The following ERC2 variants were observed in gnomAD, a reference collection of about 807,000 sequenced individuals.
ERC2 encodes the protein ELKS/RAB6-interacting/CAST family member 2, also known as ERC protein 2.
ERC2 carries 42 observed loss-of-function variants against 114.8 expected under a neutral mutation model. That is an observed-to-expected ratio of 0.37 (90% CI 0.29 to 0.47). ERC2 has a LOEUF of 0.47. ERC2 is among the 20% of genes least tolerant of loss of function. The pLI, the probability that ERC2 is intolerant of heterozygous loss-of-function variation, is 0.99. For missense variants in ERC2, 939 were observed against 1,150.7 expected, an observed-to-expected ratio of 0.82 and a Z score of 2.66; for synonymous variants, 454 against 425.5, an observed-to-expected ratio of 1.07 and a Z score of -0.82.
At chr3:56,415,971 C>T (rs554744969) in intron 2 of ERC2, among the ~76,000 whole-genome samples, 1 of 152,312 alleles carries the variant, frequency 6.6e-6, no homozygotes, top group African/African-American at 2.4e-5. Context: ...CACCAAAGCA[C>T]TCTTAATTTT....
chr3:55,750,134 C>A (rs1364595931), intron 14 of ERC2, among the ~76,000 whole-genome samples: 1 of 149,712 alleles, frequency 6.7e-6, no homozygotes, highest in Non-Finnish European at 1.5e-5. Flanking sequence ...ATGGGTAAGG[C>A]TTGCAAACTG....
At chr3:55,648,317 G>C (rs1007699633) in intron 17 of ERC2, among the ~76,000 whole-genome samples, 3 of 152,220 alleles carry the variant, frequency 2.0e-5, no homozygotes, top group African/African-American at 7.2e-5. Flanking sequence ...CCAGCTGTGA[G>C]ACTTTTGGGG....
At chr3:55,866,988 T>C (rs2062349730) in intron 14 of ERC2, among the ~76,000 whole-genome samples, 1 of 152,152 alleles carries the variant, frequency 6.6e-6, no homozygotes, top group Admixed American at 6.6e-5. Flanking sequence ...AATGATATAA[T>C]TGTCTTGAAT....
At chr3:55,766,644 G>A (rs1448053852) in intron 14 of ERC2, 4 of 152,132 alleles carry the variant, frequency 2.6e-5, no homozygotes, top group Non-Finnish European at 4.4e-5. Context: ...GACCCAAAAA[G>A]GAGGGTATCT....
intron 2 of ERC2, among the ~76,000 whole-genome samples, chr3:56,396,565 G>T (rs1239451329): frequency 6.6e-6 from 1 of 152,186 alleles, no homozygotes; most frequent in Non-Finnish European, 1.5e-5. Context: ...TGCTCACAAT[G>T]TTAATACATT....
At chr3:56,436,628 T>C (rs932315503) in intron 1 of ERC2, among the ~76,000 whole-genome samples, 2 of 152,172 alleles carry the variant, frequency 1.3e-5, no homozygotes, top group Admixed American at 6.5e-5. Context: ...GGTGAGAACA[T>C]GACCCACGCC....
intron 2 of ERC2, among the ~76,000 whole-genome samples, chr3:56,353,961 T>A (rs1576562656): frequency 6.6e-6 from 1 of 152,026 alleles, no homozygotes; most frequent in Admixed American, 6.5e-5. Context: ...ATTTTACCAA[T>A]GGGAAAACTG....
At chr3:55,888,305 C>G (rs918340555) in intron 14 of ERC2, 84 bp downstream of exon 14, 1 of 1,454,574 alleles carries the variant, frequency 6.9e-7, no homozygotes, top group South Asian at 1.4e-5. Flanking sequence ...TGAGCTCTTT[C>G]TTCATCTTCT....
At chr3:55,831,131 A>T (rs2060549281) in intron 14 of ERC2, among the ~76,000 whole-genome samples, 1 of 132,906 alleles carries the variant, frequency 7.5e-6, no homozygotes, top group Non-Finnish European at 1.6e-5. Context: ...ACATGACAAG[A>T]CCCCTCTCTA....
At position 55,787,672 on chromosome 3, in the gene ERC2, T is replaced by C. The variant is rs187388283; in HGVS notation, c.2565-52754A>G. On this transcript the variant is annotated intron_variant, in intron 14 of 17. Coordinates refer to ENST00000288221, the MANE Select transcript of ERC2 (RefSeq NM_015576.3). ...ACAAGGGATATAAGAAGCATTCTTC[T>C]CTCCAGTAAATCTACAAAGACCCAA... Among the ~76,000 whole-genome samples the C allele has an allele frequency of 3.2e-3, 480 of 152,284 alleles. 4 individuals are homozygous for C. Among genetic ancestry groups the C allele is most frequent in the African/African-American group, 0.011 (452 of 41,554 alleles).
chr3:56,301,599 AG>A (rs2055878913), intron 2 of ERC2, among the ~76,000 whole-genome samples: 1 of 152,102 alleles, frequency 6.6e-6, no homozygotes, highest in Non-Finnish European at 1.5e-5. Flanking sequence ...AGCTGGGCAC[AG>A]TGGCATATGC....
At chr3:56,370,886 G>T (rs570645340) in intron 2 of ERC2, among the ~76,000 whole-genome samples, 1 of 152,116 alleles carries the variant, frequency 6.6e-6, no homozygotes, top group Non-Finnish European at 1.5e-5. Context: ...GAGGCACTGC[G>T]CCCAGCCTTG....
At chr3:56,266,179 G>A (rs1311080222) in intron 3 of ERC2, among the ~76,000 whole-genome samples, 3 of 132,162 alleles carry the variant, frequency 2.3e-5, no homozygotes, top group African/African-American at 8.8e-5. Context: ...CTCCCAGGCT[G>A]GAGTGCAGTG....
chr3:56,091,028 C>T (rs1194059812), intron 6 of ERC2, among the ~76,000 whole-genome samples: 1 of 152,122 alleles, frequency 6.6e-6, no homozygotes, highest in Admixed American at 6.6e-5. Context: ...TTATTAAAGA[C>T]CAATAGAGTC....
intron 2 of ERC2, among the ~76,000 whole-genome samples, chr3:56,342,986 A>G (rs1027616237): frequency 6.6e-5 from 10 of 152,092 alleles, no homozygotes; most frequent in Non-Finnish European, 1.2e-4. Flanking sequence ...CTCTCACCCC[A>G]TTCAAGCCAG....
intron 3 of ERC2, among the ~76,000 whole-genome samples, chr3:56,263,522 G>A (rs1451296307): frequency 1.3e-5 from 2 of 151,972 alleles, no homozygotes; most frequent in Non-Finnish European, 2.9e-5. Flanking sequence ...GGATCAGAAG[G>A]GGTTGTTATA....
At chr3:56,310,674 A>T (rs2056484245) in intron 2 of ERC2, among the ~76,000 whole-genome samples, 2 of 152,052 alleles carry the variant, frequency 1.3e-5, no homozygotes, top group Admixed American at 1.3e-4. Flanking sequence ...CTACTTCTTG[A>T]GTCACTCCAA....
intron 13 of ERC2, among the ~76,000 whole-genome samples, chr3:55,919,090 T>C (rs2065268446): frequency 6.6e-6 from 1 of 152,130 alleles, no homozygotes; most frequent in Non-Finnish European, 1.5e-5. Context: ...ATTTAAAGTA[T>C]GATGTAGGTA....
chr3:55,606,738 T>G (rs2058659138), intron 17 of ERC2: 1 of 152,370 alleles, frequency 6.6e-6, no homozygotes, highest in Non-Finnish European at 1.5e-5. Context: ...ACCCAGCATT[T>G]GCCGTTACCC....
Sources: gnomAD v4.1 joint callset for allele counts (sites outside exome capture counted in the v4.1 genomes callset) on GRCh38, gnomAD v4.1.1 for gene constraint, MANE v1.5 for transcripts, NCBI Gene and HGNC (gene_info 2026-07-23, HGNC 2026-07-21) for gene names.